Variants in CARD14 observed in about 807,000 individuals in gnomAD.
The protein encoded by CARD14 is caspase recruitment domain family member 14, also known as caspase recruitment domain-containing protein 14.
CARD14 carries 107 observed loss-of-function variants against 111.5 expected under a neutral mutation model. The observed-to-expected ratio is 0.96, with a 90% CI of 0.82 to 1.13. The LOEUF is 1.13. Ranked by LOEUF, CARD14 falls within the 50% of genes most tolerant of loss-of-function variation. The probability of loss-of-function intolerance (pLI) is 0.00; values close to 1 mark genes in which losing one functional copy is unlikely to be tolerated. For missense variants in CARD14, 1,322 were observed against 1,362.3 expected (o/e 0.97, Z 0.47); for synonymous variants, 617 against 579.6 (o/e 1.06, Z -0.93).
At chr17:80,194,710 A>C (rs2040647636) in intron 12 of CARD14, among the ~76,000 whole-genome samples, 1 of 152,144 alleles carries the variant, frequency 6.6e-6, no homozygotes, top group Non-Finnish European at 1.5e-5. Flanking sequence ...TGCTCAGCAA[A>C]GGGGGAAGCC....
In CARD14 at chr17:80,189,865, G is replaced by A. The variant is rs138991161; in HGVS notation, c.956G>A (p.Arg319Gln). 4.2e-5 allele frequency: 67 copies of A among 1,594,944 alleles called. No individual in the cohort carries two copies. The highest frequency in any genetic ancestry group is 3.3e-4 in the Middle Eastern group (2 of 6,018). Reference sequence around the variant, plus strand: ...CGGGCCGTGGCTGCCGAGAGGCAGCGAGAGCAGGTGCCGTGTGAGCCCTTC... The same window carrying A: ...CGGGCCGTGGCTGCCGAGAGGCAGCAAGAGCAGGTGCCGTGTGAGCCCTTC... ...RERAVAAERQ[R>Q]EQYWEEKEQT... The change falls in exon 9 of 24, where the codon CGA (arginine) becomes CAA (glutamine). Residue 319 changes from arginine (R) to glutamine (Q), a missense_variant. Transcript: ENST00000648509. The surrounding 1 kb of genome is among the most constrained non-coding windows in gnomAD (Gnocchi z 4.7).
At chr17:80,197,179 G>A (rs1159680744) in intron 14 of CARD14, 3 of 152,022 alleles carry the variant, frequency 2.0e-5, no homozygotes, top group Non-Finnish European at 4.4e-5. Flanking sequence ...CCTGGCGACA[G>A]AGCGAGACTC....
chr17:80,190,830 C>A lies in CARD14; in HGVS notation c.1020C>A (p.Cys340Ter). 6.2e-7 allele frequency: 1 copy of A among 1,614,136 alleles called. No individual in the cohort carries two copies. ...LLQFQKSKMACQLYREKVNAL... is the reference protein window; with the variant it reads ...LLQFQKSKMA The stretch of plus-strand genomic sequence containing the variant: ...AGTTCCAGAAGAGTAAGATGGCCTG[C>A]CAACTCTACAGGGAGAAGGTGAATG... The change falls in exon 10 of 24, where the codon TGC (cysteine) becomes TGA (stop). Residue 340 changes from cysteine (C) to a stop codon, truncating the protein, a stop_gained. Coordinates refer to ENST00000648509, the MANE Select transcript of CARD14 (RefSeq NM_001366385.1). LOFTEE classifies it high-confidence loss of function.
intron 20 of CARD14, chr17:80,204,747 CT>C (rs2041188425): frequency 2.3e-6 from 1 of 433,938 alleles, no homozygotes; most frequent in South Asian, 5.6e-5. Flanking sequence ...GAAGAAAACC[CT>C]GGCTTCCGCC....
chr17:80,204,058 C>T, intron 19 of CARD14, 169 bp from the exon 20 acceptor site: 1 of 812,268 alleles, frequency 1.2e-6, no homozygotes, highest in South Asian at 1.8e-5. Context: ...AGCCCCTGCC[C>T]AGCCTGCAGG....
intron 6 of CARD14, among the ~76,000 whole-genome samples, chr17:80,183,023 A>T (rs1260365481): frequency 2.0e-5 from 3 of 152,186 alleles, no homozygotes; most frequent in Non-Finnish European, 4.4e-5. Flanking sequence ...TTAGTTACCC[A>T]GTGCCAAAAG....
Position 80,198,174 on chromosome 17 carries a change from G to GTGGGAATC in CARD14, c.1658+13_1658+20dup. 2 of 1,613,672 alleles carry GTGGGAATC rather than the reference G, an allele frequency of 1.2e-6. No homozygotes were observed. Among genetic ancestry groups the GTGGGAATC allele is most frequent in the Non-Finnish European group, 1.7e-6 (2 of 1,179,870 alleles). ...GATGTCTCGGAGAGGTAAGCAGCAG[G>GTGGGAATC]TGGGAATCCTCCGAGGCTGGCTGGG... is the stretch of plus-strand genomic sequence containing the variant. On this transcript the variant is annotated intron_variant, in intron 15 of 23. Transcript: ENST00000648509. The surrounding 1 kb of genome is among the most constrained non-coding windows in gnomAD (Gnocchi z 7.5).
chr17:80,173,604 A>ATT (rs373407816), intron 2 of CARD14, among the ~76,000 whole-genome samples: 5 of 143,980 alleles, frequency 3.5e-5, no homozygotes, highest in African/African-American at 7.6e-5. Context: ...CAGATTCGGC[A>ATT]TTTTTTTTTT....
At position 80,195,601 on chromosome 17, in the gene CARD14, G is replaced by C; in HGVS notation, c.1543G>C (p.Gly515Arg). ...GGAGGGAGACCCGGGAGCCCTGCCG[G>C]GAGCTAAGGCAGGCGACCCACACCT... Reference protein sequence around the residue: ...IPEGDPGALPGAKAGDPHLDY... With the variant: ...IPEGDPGALPRAKAGDPHLDY... The change falls in exon 14 of 24, where the codon GGA (glycine) becomes CGA (arginine). Residue 515 changes from glycine to arginine, a missense_variant. Coordinates refer to ENST00000648509, the MANE Select transcript of CARD14 (RefSeq NM_001366385.1). The surrounding 1 kb of genome is among the most constrained non-coding windows in gnomAD (Gnocchi z 4.7). 6.2e-7 allele frequency: 1 copy of C among 1,613,290 alleles called. No individual in the cohort carries two copies. Among genetic ancestry groups the C allele is most frequent in the Non-Finnish European group, 8.5e-7 (1 of 1,179,916 alleles).
intron 14 of CARD14, 105 bp from the exon 15 acceptor site, chr17:80,197,994 G>T: frequency 8.8e-7 from 1 of 1,131,960 alleles, no homozygotes; most frequent in Non-Finnish European, 1.3e-6. Flanking sequence ...ATCAGCAGTG[G>T]GGTGACCAAG....
rs964215715 is a variant in CARD14 at position 80,195,474 on chromosome 17, G to T, written c.1500-84G>T. 7.9e-6 allele frequency: 12 copies of T among 1,512,634 alleles called. No individual in the cohort carries two copies. The highest frequency in any genetic ancestry group is 1.1e-5 in the Non-Finnish European group (12 of 1,120,998). The allele number at this position is 1,512,634 out of a possible 1,614,324, so 93.7% of individuals were successfully genotyped here. A position where few individuals can be genotyped will look rare whatever the true frequency, so the allele number is the denominator to read the frequency against. On this transcript the variant is annotated intron_variant, in intron 13 of 23. Transcript: ENST00000648509. This position sits in a 1 kb window ranked among gnomAD's most constrained non-coding sequence, Gnocchi z 4.7. ...GCCCTCGAAGCCCCAGAGCTGGCAG[G>T]TGCTGGGGGCCAGTGCTTGGGGCGT... is the stretch of plus-strand genomic sequence containing the variant.
At chr17:80,202,021 C>A in intron 17 of CARD14, 151 bp downstream of exon 17, 1 of 1,249,826 alleles carries the variant, frequency 8.0e-7, no homozygotes, top group Non-Finnish European at 1.1e-6. Context: ...CCAGGAGGCC[C>A]CCAAGCCAGC....
At position 80,205,305 on chromosome 17, in the gene CARD14, C is replaced by T. The variant is rs2041235817; in HGVS notation, c.2569+100C>T. The T allele has an allele frequency of 6.7e-6, 8 of 1,200,716 alleles. No individual in the cohort carries two copies. The East Asian group carries it at 2.0e-4, about 30-fold the overall frequency. 74.4% of individuals were successfully genotyped at this position (1,200,716 alleles called of 1,614,324 possible). On this transcript the variant is annotated intron_variant, in intron 21 of 23. Coordinates refer to ENST00000648509, the MANE Select transcript of CARD14 (RefSeq NM_001366385.1). The stretch of plus-strand genomic sequence containing the variant: ...TCCCCTTCCTCCCTCCTCCTTCCCT[C>T]CCCCACCACGCACATTCCCACACTC...
chr17:80,195,807 A>G lies in CARD14; in HGVS notation c.1594+155A>G. The G allele has an allele frequency of 1.5e-6, 1 of 650,142 alleles. No individual in the cohort carries two copies. The highest frequency in any genetic ancestry group is 2.8e-5 in the East Asian group (1 of 35,114). The allele number at this position is 650,142 out of a possible 1,614,324, so 40.3% of individuals were successfully genotyped here. On this transcript the variant is annotated intron_variant, in intron 14 of 23. Coordinates refer to ENST00000648509, the MANE Select transcript of CARD14 (RefSeq NM_001366385.1). This position sits in a 1 kb window ranked among gnomAD's most constrained non-coding sequence, Gnocchi z 4.7. ...GCCTTGACCTTGGCCTCGACCTTGC[A>G]CTTTGGGAAAGTCCCGCCTGCCAGC...
chr17:80,173,904 A>G (rs1170272878), intron 2 of CARD14, among the ~76,000 whole-genome samples: 3 of 152,054 alleles, frequency 2.0e-5, no homozygotes, highest in Admixed American at 2.0e-4. Context: ...GCCAAAAAAT[A>G]TTTTTTAATT....
In CARD14 at chr17:80,192,838, C is replaced by T. The variant is rs139753497; in HGVS notation, c.1356+219C>T. On this transcript the variant is annotated intron_variant, in intron 12 of 23. Coordinates refer to ENST00000648509, the MANE Select transcript of CARD14 (RefSeq NM_001366385.1). Reference sequence around the variant, plus strand: ...TGTGATTTCGGCTCACTGCAACCTCCACCTCCCAGGTTCAAGCGATTCTCT... The same window carrying T: ...TGTGATTTCGGCTCACTGCAACCTCTACCTCCCAGGTTCAAGCGATTCTCT... 6.4e-3 allele frequency among the ~76,000 whole-genome samples: 974 copies of T among 152,296 alleles called. 8 individuals carry two copies. The highest frequency in any genetic ancestry group is 9.5e-3 in the Non-Finnish European group (645 of 68,026).
In CARD14 at chr17:80,204,260, A is replaced by G. The variant is rs754681974; in HGVS notation, c.2317A>G (p.Ile773Val). 9 of 1,598,344 alleles carry G rather than the reference A, an allele frequency of 5.6e-6. No homozygotes were observed. Among genetic ancestry groups the G allele is most frequent in the South Asian group, 3.3e-5 (3 of 90,128 alleles). Residue 773 changes from isoleucine to valine, a missense_variant, in exon 20 of 24, where the codon ATC becomes GTC. Physicochemically the swap from Ile to Val is conservative, Grantham distance 29. Transcript: ENST00000648509. ...SSGGPQKLVR[I>V]VSMDKAKASP... Reference sequence around the variant, plus strand: ...TGGGGGACCACAGAAGCTGGTCCGCATCGTCAGTATGGACAAAGCCAAGGC... The same window carrying G: ...TGGGGGACCACAGAAGCTGGTCCGCGTCGTCAGTATGGACAAAGCCAAGGC...
At chr17:80,187,927 C>T (rs557363846) in intron 7 of CARD14, 62 of 986,014 alleles carry the variant, frequency 6.3e-5, no homozygotes, top group African/African-American at 2.1e-4. Context: ...TTCCCAGGCA[C>T]GTCTACCCCT....
In CARD14 at chr17:80,183,987, G is replaced by C. The variant is rs281875212; in HGVS notation, c.424G>C (p.Glu142Gln). 1.9e-6 allele frequency: 3 copies of C among 1,581,730 alleles called. No homozygotes were observed. In the African/African-American group the frequency reaches 4.0e-5, roughly 21 times the overall value. The change falls in exon 7 of 24, where the codon GAA becomes CAA. Residue 142 changes from glutamate to glutamine, a missense_variant. By Grantham distance (29) the Glu-to-Gln change is conservative. Transcript: ENST00000648509. ...CAGCCTGCAGGAGGAGCTGAACCAG[G>C]AAAAGGGGCAGAAGGAGGTGCTGCT... is the stretch of plus-strand genomic sequence containing the variant. ...IGSLQEELNQ[E>Q]KGQKEVLLRR...
Sources: allele counts gnomAD v4.1 joint callset (sites outside exome capture counted in the v4.1 genomes callset), GRCh38; gene constraint gnomAD v4.1.1; non-coding constraint Gnocchi (gnomAD v3.1); transcripts MANE v1.5; gene names NCBI Gene and HGNC (gene_info 2026-07-23, HGNC 2026-07-21).